CASD1: variants seen among roughly 807,000 people sequenced by gnomAD.
CASD1 encodes the protein N-acetylneuraminate (7)9-O-acetyltransferase.
CASD1 carries 41 observed loss-of-function variants against 100.0 expected under a neutral mutation model. That is an observed-to-expected ratio of 0.41 (90% CI 0.32 to 0.53). The LOEUF is 0.53. CASD1 is among the 20% of genes least tolerant of loss of function. The pLI, the probability that CASD1 is intolerant of heterozygous loss-of-function variation, is 0.25. For missense variants in CASD1, 774 were observed against 948.7 expected, an observed-to-expected ratio of 0.82 and a Z score of 2.42; for synonymous variants, 321 against 315.6, an observed-to-expected ratio of 1.02 and a Z score of -0.18.
intron 10 of CASD1, among the ~76,000 whole-genome samples, chr7:94,542,543 A>T (rs1179800980): frequency 6.6e-6 from 1 of 152,196 alleles, no homozygotes; most frequent in African/African-American, 2.4e-5. Context: ...TGGTAACCTC[A>T]TTAAAAAATT....
the CASD1 span, chr7:94,616,782 T>A: frequency 6.6e-6 from 1 of 152,162 alleles, no homozygotes; most frequent in Non-Finnish European, 1.5e-5. Context: ...CAAGTAAGAT[T>A]TTATTTTATG....
chr7:94,589,957 G>C, the CASD1 span: 1 of 152,278 alleles, frequency 6.6e-6, no homozygotes, highest in East Asian at 1.9e-4. Context: ...GTGCCAAAAA[G>C]CTTGGGGACC....
the CASD1 span, among the ~76,000 whole-genome samples, chr7:94,614,108 A>T: frequency 3.5e-5 from 3 of 85,296 alleles, no homozygotes; most frequent in Non-Finnish European, 7.7e-5. Flanking sequence ...AATTGAAATC[A>T]AAAAAAAAAA....
chr7:94,524,584 G>C (rs772550424), intron 3 of CASD1, among the ~76,000 whole-genome samples: 2 of 152,016 alleles, frequency 1.3e-5, no homozygotes, highest in Non-Finnish European at 1.5e-5. Flanking sequence ...AATAATTTGC[G>C]TTATCATTTG....
intron 10 of CASD1, among the ~76,000 whole-genome samples, chr7:94,541,732 G>T (rs1795413569): frequency 6.6e-6 from 1 of 151,542 alleles, no homozygotes; most frequent in South Asian, 2.1e-4. Flanking sequence ...TTTGTTGTAG[G>T]TAATACAGCA....
chr7:94,625,078 C>T, the CASD1 span: 3 of 152,058 alleles, frequency 2.0e-5, no homozygotes, highest in East Asian at 5.8e-4. Context: ...ACCGTCAAAG[C>T]AGAAGAAAAT....
chr7:94,533,108 A>C, intron 5 of CASD1, 97 bp from the exon 6 acceptor site: 2 of 723,198 alleles, frequency 2.8e-6, no homozygotes, highest in South Asian at 4.9e-5. Flanking sequence ...ATTTAGAAGG[A>C]AGAACTTACA....
At chr7:94,603,633 TTA>T in the CASD1 span, among the ~76,000 whole-genome samples, 1 of 152,172 alleles carries the variant, frequency 6.6e-6, no homozygotes, top group African/African-American at 2.4e-5. Flanking sequence ...ATTCATTCCT[TTA>T]TTCAACCAAT....
downstream of CASD1, among the ~76,000 whole-genome samples, chr7:94,560,921 A>G (rs1172399893): frequency 6.6e-6 from 1 of 152,254 alleles, no homozygotes; most frequent in Non-Finnish European, 1.5e-5. Context: ...AGGTAAATCC[A>G]GAATTGCTAC....
chr7:94,514,989 T>G (rs1458699694), intron 1 of CASD1, among the ~76,000 whole-genome samples: 1 of 152,142 alleles, frequency 6.6e-6, no homozygotes, highest in Non-Finnish European at 1.5e-5. Flanking sequence ...AGAATTTGTT[T>G]TAGAGTATGA....
At chr7:94,551,512 G>A (rs910563204) in intron 15 of CASD1, 34 bp downstream of exon 15, 2 of 1,066,998 alleles carry the variant, frequency 1.9e-6, no homozygotes, top group South Asian at 2.2e-5. Flanking sequence ...ATTCTAAATG[G>A]TATGGAATAT....
chr7:94,564,858 A>G, the CASD1 span, among the ~76,000 whole-genome samples: 4 of 152,022 alleles, frequency 2.6e-5, no homozygotes, highest in Non-Finnish European at 4.4e-5. Context: ...GCTTTGCAGT[A>G]CTCTATATCT....
At chr7:94,613,286 T>C in the CASD1 span, among the ~76,000 whole-genome samples, 1 of 152,234 alleles carries the variant, frequency 6.6e-6, no homozygotes, top group Non-Finnish European at 1.5e-5. Flanking sequence ...GTAATAATAA[T>C]AACTATGCTA....
At chr7:94,631,640 A>C in the CASD1 span, among the ~76,000 whole-genome samples, 6 of 151,946 alleles carry the variant, frequency 3.9e-5, no homozygotes, top group Non-Finnish European at 8.8e-5. Context: ...ACAATACTGG[A>C]TACTGTGGGG....
the CASD1 span, among the ~76,000 whole-genome samples, chr7:94,574,826 C>G: frequency 6.6e-6 from 1 of 152,070 alleles, no homozygotes; most frequent in African/African-American, 2.4e-5. Context: ...AAAAATTAGC[C>G]GGGCATGGCA....
At chr7:94,632,599 A>G in the CASD1 span, among the ~76,000 whole-genome samples, 1 of 152,156 alleles carries the variant, frequency 6.6e-6, no homozygotes, top group Admixed American at 6.6e-5. Context: ...TTCATCATCT[A>G]GAAATGGAAA....
chr7:94,512,515 A>G (rs1466532474), intron 1 of CASD1, among the ~76,000 whole-genome samples: 3 of 152,250 alleles, frequency 2.0e-5, no homozygotes, highest in African/African-American at 7.2e-5. Context: ...TTTACAAACT[A>G]CCGAAAGTAA....
intron 10 of CASD1, among the ~76,000 whole-genome samples, chr7:94,542,783 G>A (rs1457659887): frequency 1.3e-5 from 2 of 152,108 alleles, no homozygotes; most frequent in African/African-American, 4.8e-5. Flanking sequence ...TGAGGTAAGG[G>A]CACAGATTTG....
chr7:94,546,260 G>A (rs997703624), intron 12 of CASD1, among the ~76,000 whole-genome samples: 1 of 151,832 alleles, frequency 6.6e-6, no homozygotes, highest in African/African-American at 2.4e-5. Context: ...ATACCCAAAA[G>A]CTTGTTATTT....
Sources: allele counts gnomAD v4.1 joint callset (sites outside exome capture counted in the v4.1 genomes callset), GRCh38; gene constraint gnomAD v4.1.1; transcripts MANE v1.5; gene names NCBI Gene and HGNC (gene_info 2026-07-23, HGNC 2026-07-21).